Variants in TENM2 observed in about 807,000 individuals in gnomAD.
The protein encoded by TENM2 is teneurin-2.
A neutral mutation model predicts 245.2 loss-of-function variants in TENM2; 52 were observed. The ratio of observed to expected loss-of-function variants is 0.21; its 90% CI spans 0.17 to 0.27. TENM2 has a LOEUF of 0.27. Among genes scored for constraint, TENM2 ranks in the 10% least tolerant of loss-of-function variants. TENM2 has a pLI of 1.00. For missense variants in TENM2, 3,046 were observed against 3,666.8 expected, an observed-to-expected ratio of 0.83 and a Z score of 4.37; for synonymous variants, 1,363 against 1,438.9, an observed-to-expected ratio of 0.95 and a Z score of 1.19.
chr5:167,260,021 C>T, the TENM2 span, among the ~76,000 whole-genome samples: 1 of 152,092 alleles, frequency 6.6e-6, no homozygotes, highest in South Asian at 2.1e-4. Context: ...TAAACCAGTG[C>T]CAAGACACGC....
chr5:168,106,992 G>A (rs889886587), intron 9 of TENM2, among the ~76,000 whole-genome samples: 1 of 152,162 alleles, frequency 6.6e-6, no homozygotes, highest in Admixed American at 6.5e-5. Flanking sequence ...CCAAGGAGGT[G>A]GAGGTTGCAA....
chr5:167,195,179 G>T, the TENM2 span, among the ~76,000 whole-genome samples: 4 of 152,070 alleles, frequency 2.6e-5, no homozygotes, highest in Admixed American at 2.6e-4. Flanking sequence ...TCAGCTCTTA[G>T]AATTGATTTA....
At chr5:167,194,863 A>G in the TENM2 span, among the ~76,000 whole-genome samples, 1 of 152,114 alleles carries the variant, frequency 6.6e-6, no homozygotes, top group South Asian at 2.1e-4. Context: ...TTTTATAGAC[A>G]GGGACACTGA....
intron 2 of TENM2, among the ~76,000 whole-genome samples, chr5:167,622,159 T>C (rs1367429818): frequency 6.6e-6 from 1 of 152,160 alleles, no homozygotes; most frequent in Admixed American, 6.6e-5. Context: ...AAATTAATTA[T>C]ATTTTGACTT....
intron 2 of TENM2, among the ~76,000 whole-genome samples, chr5:167,562,957 C>CA (rs58779751): frequency 0.09 from 6,921 of 77,110 alleles, 404 homozygotes; most frequent in African/African-American, 0.22. Context: ...AATTCTGTCT[C>CA]AAAAAAAAAA....
chr5:167,901,439 A>G (rs1222516197), intron 3 of TENM2, among the ~76,000 whole-genome samples: 1 of 152,236 alleles, frequency 6.6e-6, no homozygotes, highest in African/African-American at 2.4e-5. Flanking sequence ...TCATATGGAA[A>G]CATACAGCAC....
intron 2 of TENM2, among the ~76,000 whole-genome samples, chr5:167,456,522 C>T (rs1237277140): frequency 6.6e-6 from 1 of 152,060 alleles, no homozygotes; most frequent in Non-Finnish European, 1.5e-5. Flanking sequence ...GCCTTTATTC[C>T]AGAGGTTTTA....
chr5:167,086,066 G>T, the TENM2 span, among the ~76,000 whole-genome samples: 7 of 152,164 alleles, frequency 4.6e-5, no homozygotes, highest in Non-Finnish European at 1.0e-4. Flanking sequence ...CAGTTGGGAA[G>T]GGCCTTCTCA....
chr5:167,017,689 A>C, the TENM2 span, among the ~76,000 whole-genome samples: 3 of 152,198 alleles, frequency 2.0e-5, no homozygotes, highest in Non-Finnish European at 4.4e-5. Flanking sequence ...TAGATTTAAG[A>C]AATATTAAAA....
intron 2 of TENM2, among the ~76,000 whole-genome samples, chr5:167,722,184 G>A (rs1003450827): frequency 2.0e-5 from 3 of 152,160 alleles, no homozygotes; most frequent in African/African-American, 7.2e-5. Context: ...CTCAGGCACT[G>A]ACTCCTACAA....
At chr5:168,054,697 G>A (rs1269245645) in intron 6 of TENM2, among the ~76,000 whole-genome samples, 1 of 152,224 alleles carries the variant, frequency 6.6e-6, no homozygotes, top group Admixed American at 6.5e-5. Context: ...ATGTAGCTAT[G>A]GAAGGCTGTC....
chr5:167,836,262 G>A (rs10066325), intron 2 of TENM2, among the ~76,000 whole-genome samples: 148,177 of 152,308 alleles, frequency 0.97, 72,142 homozygotes, highest in South Asian at 1. Flanking sequence ...TCTCTGGCCT[G>A]TTAACATAAT....
chr5:167,814,602 G>A (rs759801352), intron 2 of TENM2, among the ~76,000 whole-genome samples: 71 of 151,262 alleles, frequency 4.7e-4, no homozygotes, highest in Non-Finnish European at 9.9e-4. Context: ...ATATCCTTAA[G>A]AGGCACATGG....
intron 8 of TENM2, among the ~76,000 whole-genome samples, chr5:168,092,742 C>G (rs1197331381): frequency 2.0e-5 from 3 of 152,338 alleles, no homozygotes; most frequent in South Asian, 4.1e-4. Flanking sequence ...TGAGAAACGA[C>G]TTCCTTTGTG....
At chr5:167,874,976 C>T (rs116767618) in intron 2 of TENM2, among the ~76,000 whole-genome samples, 2 of 152,164 alleles carry the variant, frequency 1.3e-5, no homozygotes, top group African/African-American at 2.4e-5. Flanking sequence ...AATGCATCAC[C>T]CTTTCCATCA....
chr5:167,377,418 CA>C (rs1378564033), intron 2 of TENM2, among the ~76,000 whole-genome samples: 4 of 151,958 alleles, frequency 2.6e-5, no homozygotes, highest in African/African-American at 9.7e-5. Flanking sequence ...GTGTGGCTGG[CA>C]AGGCACAAAG....
the TENM2 span, among the ~76,000 whole-genome samples, chr5:167,090,223 C>G: frequency 2.7e-5 from 4 of 145,676 alleles, no homozygotes; most frequent in African/African-American, 8.0e-5. Flanking sequence ...ATAGTTAATT[C>G]AAAACCAACA....
the TENM2 span, among the ~76,000 whole-genome samples, chr5:167,130,531 G>C: frequency 2.0e-5 from 3 of 152,156 alleles, no homozygotes; most frequent in Non-Finnish European, 4.4e-5. Flanking sequence ...AAGTCATATG[G>C]CTTGCAAGTC....
intron 2 of TENM2, among the ~76,000 whole-genome samples, chr5:167,459,060 T>C (rs1461496159): frequency 6.6e-6 from 1 of 152,220 alleles, no homozygotes; most frequent in Non-Finnish European, 1.5e-5. Flanking sequence ...TACAGTCACA[T>C]TGTTGTGCCA....
Sources: allele counts gnomAD v4.1 joint callset (sites outside exome capture counted in the v4.1 genomes callset), GRCh38; gene constraint gnomAD v4.1.1; transcripts MANE v1.5; gene names NCBI Gene and HGNC (gene_info 2026-07-23, HGNC 2026-07-21).